Variants in RAB38 observed in about 807,000 individuals in gnomAD.
The protein encoded by RAB38 is RAB38, member RAS oncogene family.
A neutral mutation model predicts 18.4 loss-of-function variants in RAB38; 15 were observed. The ratio of observed to expected loss-of-function variants is 0.82; its 90% CI spans 0.55 to 1.26. The LOEUF is 1.26. Ranked by LOEUF, RAB38 falls within the 50% of genes most tolerant of loss-of-function variation. The pLI is 0.00. For synonymous variants in RAB38, 101 were observed against 104.4 expected (o/e 0.97, Z 0.20); for missense variants, 294 against 267.4 (o/e 1.10, Z -0.69).
At chr11:88,049,235 C>G in the RAB38 span, among the ~76,000 whole-genome samples, 1 of 152,094 alleles carries the variant, frequency 6.6e-6, no homozygotes, top group Non-Finnish European at 1.5e-5. Context: ...GTGTCTGAGC[C>G]AAAGCTAAGC....
chr11:87,873,922 G>GTGTGTGTGTATATA, the RAB38 span, among the ~76,000 whole-genome samples: 1 of 103,122 alleles, frequency 9.7e-6, no homozygotes, highest in African/African-American at 3.8e-5. Context: ...GTGTGTGTGT[G>GTGTGTGTGTATATA]TATATATATA....
the RAB38 span, among the ~76,000 whole-genome samples, chr11:87,837,881 T>C: frequency 0.029 from 4,468 of 152,242 alleles, 138 homozygotes; most frequent in African/African-American, 0.077. Flanking sequence ...TATAATAATA[T>C]TTGAAGATTT....
the RAB38 span, among the ~76,000 whole-genome samples, chr11:88,044,630 A>G: frequency 6.6e-6 from 1 of 152,192 alleles, no homozygotes; most frequent in African/African-American, 2.4e-5. Context: ...TAAAATGGGC[A>G]AACGGTCTGA....
intron 2 of RAB38, among the ~76,000 whole-genome samples, chr11:88,135,769 G>A (rs1466430848): frequency 6.6e-6 from 1 of 152,164 alleles, no homozygotes; most frequent in Non-Finnish European, 1.5e-5. Context: ...CGAGCCTTTT[G>A]CGATGGTATT....
At chr11:87,906,344 G>A in the RAB38 span, among the ~76,000 whole-genome samples, 1 of 151,868 alleles carries the variant, frequency 6.6e-6, no homozygotes, top group South Asian at 2.1e-4. Context: ...GAAACTTTTG[G>A]ATGGAGTAAA....
At chr11:87,931,024 C>G in the RAB38 span, among the ~76,000 whole-genome samples, 2 of 152,084 alleles carry the variant, frequency 1.3e-5, no homozygotes, top group African/African-American at 2.4e-5. Context: ...GTTCTTTTGG[C>G]TTAGGATTGA....
chr11:88,115,828 TAGTA>T (rs1317440951), intron 2 of RAB38: 3 of 152,192 alleles, frequency 2.0e-5, no homozygotes, highest in South Asian at 2.1e-4. Context: ...GGGACTTCAA[TAGTA>T]AGTAAGTAAT....
the RAB38 span, among the ~76,000 whole-genome samples, chr11:87,818,254 A>C: frequency 6.6e-6 from 1 of 152,186 alleles, no homozygotes; most frequent in African/African-American, 2.4e-5. Flanking sequence ...GCCCTAAAAG[A>C]AAGGGAAAAC....
the RAB38 span, among the ~76,000 whole-genome samples, chr11:88,032,722 A>T: frequency 6.6e-6 from 1 of 152,298 alleles, no homozygotes; most frequent in South Asian, 2.1e-4. Context: ...AAAAGTCAGG[A>T]AACAACAGGT....
At chr11:88,050,994 G>T in the RAB38 span, among the ~76,000 whole-genome samples, 3 of 152,308 alleles carry the variant, frequency 2.0e-5, no homozygotes, top group South Asian at 6.2e-4. Context: ...AAGTGAGGCT[G>T]GGTAGTAAAG....
At chr11:87,884,979 T>G in the RAB38 span, among the ~76,000 whole-genome samples, 1 of 151,890 alleles carries the variant, frequency 6.6e-6, no homozygotes, top group African/African-American at 2.4e-5. Context: ...ACCTTTACAT[T>G]AGATACATCT....
the RAB38 span, among the ~76,000 whole-genome samples, chr11:87,808,978 C>T: frequency 1.3e-5 from 2 of 151,778 alleles, no homozygotes; most frequent in South Asian, 2.1e-4. Context: ...CACATAGCCT[C>T]TAAATTGGTA....
the RAB38 span, among the ~76,000 whole-genome samples, chr11:87,977,689 T>C: frequency 8.7e-6 from 1 of 114,722 alleles, no homozygotes; most frequent in Admixed American, 1.1e-4. Context: ...ATATGTCATA[T>C]AATATATAGG....
the RAB38 span, among the ~76,000 whole-genome samples, chr11:87,829,690 CTA>C: frequency 6.6e-6 from 1 of 151,960 alleles, no homozygotes; most frequent in African/African-American, 2.4e-5. Flanking sequence ...GCCTCTGAAT[CTA>C]AAATAAAATA....
the RAB38 span, among the ~76,000 whole-genome samples, chr11:87,819,790 A>G: frequency 1.4e-5 from 2 of 146,378 alleles, no homozygotes; most frequent in Non-Finnish European, 3.0e-5. Flanking sequence ...ATATGTATAT[A>G]TGTGTGTGTG....
the RAB38 span, among the ~76,000 whole-genome samples, chr11:87,913,942 AT>A: frequency 3.3e-4 from 50 of 150,496 alleles, no homozygotes; most frequent in East Asian, 1.2e-3. Context: ...TGTAAGAAAT[AT>A]TTTTTTTTTC....
At chr11:87,933,752 G>C in the RAB38 span, among the ~76,000 whole-genome samples, 1 of 151,602 alleles carries the variant, frequency 6.6e-6, no homozygotes, top group South Asian at 2.1e-4. Flanking sequence ...ATCCACCAAT[G>C]GCAAGACGGG....
At chr11:88,162,042 A>G (rs1332681905) in intron 1 of RAB38, among the ~76,000 whole-genome samples, 1 of 152,134 alleles carries the variant, frequency 6.6e-6, no homozygotes, top group Admixed American at 6.6e-5. Context: ...AATTGCTGCA[A>G]TGGTCAAAAG....
At chr11:87,873,922 G>GTGTGTGTATATATATATATATA in the RAB38 span, among the ~76,000 whole-genome samples, 43 of 103,106 alleles carry the variant, frequency 4.2e-4, no homozygotes, top group African/African-American at 1.3e-3. Flanking sequence ...GTGTGTGTGT[G>GTGTGTGTATATATATATATATA]TATATATATA....
Sources: allele counts gnomAD v4.1 joint callset (sites outside exome capture counted in the v4.1 genomes callset), GRCh38; gene constraint gnomAD v4.1.1; transcripts MANE v1.5; gene names NCBI Gene and HGNC (gene_info 2026-07-23, HGNC 2026-07-21).